Variants in ARB2A observed in about 807,000 individuals in gnomAD.
ARB2A encodes ARB2 cotranscriptional regulator A, also known as cotranscriptional regulator ARB2A.
the ARB2A span, among the ~76,000 whole-genome samples, chr5:93,848,425 C>G: frequency 7.3e-5 from 11 of 151,032 alleles, no homozygotes; most frequent in Non-Finnish European, 1.5e-4. Context: ...TTGACTGATA[C>G]GTCCAATAAA....
the ARB2A span, among the ~76,000 whole-genome samples, chr5:93,846,918 C>T: frequency 6.6e-6 from 1 of 152,118 alleles, no homozygotes; most frequent in Admixed American, 6.6e-5. Flanking sequence ...ACTCACCCTT[C>T]CATGAAAGAT....
chr5:93,665,206 T>C, the ARB2A span, among the ~76,000 whole-genome samples: 2 of 152,224 alleles, frequency 1.3e-5, no homozygotes, highest in Admixed American at 6.5e-5. Context: ...ACCTAGAGAA[T>C]TGACATGATG....
At chr5:93,877,802 T>C in the ARB2A span, among the ~76,000 whole-genome samples, 10 of 152,094 alleles carry the variant, frequency 6.6e-5, no homozygotes, top group African/African-American at 1.7e-4. Flanking sequence ...TGTAAGTGGA[T>C]AGAATTTTGG....
chr5:93,686,093 A>C, the ARB2A span, among the ~76,000 whole-genome samples: 2 of 152,142 alleles, frequency 1.3e-5, no homozygotes, highest in Non-Finnish European at 2.9e-5. Flanking sequence ...AAACACAAAT[A>C]TTTTTCCAGA....
chr5:94,092,837 T>A, the ARB2A span, among the ~76,000 whole-genome samples: 1 of 152,162 alleles, frequency 6.6e-6, no homozygotes, highest in African/African-American at 2.4e-5. Flanking sequence ...AATTGAAACA[T>A]CCTTTAACTC....
At chr5:94,077,199 C>A in the ARB2A span, among the ~76,000 whole-genome samples, 1 of 151,692 alleles carries the variant, frequency 6.6e-6, no homozygotes, top group Non-Finnish European at 1.5e-5. Flanking sequence ...ATGGTGAAAC[C>A]CCGTTTCTAC....
chr5:93,905,778 A>T, the ARB2A span, among the ~76,000 whole-genome samples: 4 of 151,566 alleles, frequency 2.6e-5, no homozygotes, highest in Admixed American at 6.6e-5. Flanking sequence ...TGTTTAAACA[A>T]ATTCAATTGC....
the ARB2A span, among the ~76,000 whole-genome samples, chr5:93,708,720 T>C: frequency 6.6e-6 from 1 of 152,000 alleles, no homozygotes; most frequent in Non-Finnish European, 1.5e-5. Context: ...GCCTCTGGGT[T>C]GGGGAACCTC....
At chr5:93,946,152 A>G in the ARB2A span, among the ~76,000 whole-genome samples, 18 of 152,168 alleles carry the variant, frequency 1.2e-4, 1 homozygote, top group Non-Finnish European at 1.6e-4. Context: ...ATATATCAAG[A>G]AAACACAGAT....
the ARB2A span, among the ~76,000 whole-genome samples, chr5:93,832,080 T>G: frequency 1.4e-4 from 22 of 152,226 alleles, no homozygotes; most frequent in African/African-American, 5.1e-4. Flanking sequence ...AAAAAAGATA[T>G]AGAAAAGGAA....
the ARB2A span, among the ~76,000 whole-genome samples, chr5:94,010,492 T>C: frequency 6.6e-6 from 1 of 152,130 alleles, no homozygotes; most frequent in Non-Finnish European, 1.5e-5. Context: ...CTTTTCTTTC[T>C]GAATCTTCAG....
the ARB2A span, among the ~76,000 whole-genome samples, chr5:93,640,887 C>T: frequency 6.6e-6 from 1 of 151,870 alleles, no homozygotes; most frequent in Non-Finnish European, 1.5e-5. Flanking sequence ...TATACTGGCT[C>T]TAAGCAACAT....
At chr5:93,637,029 C>T in the ARB2A span, among the ~76,000 whole-genome samples, 1 of 152,170 alleles carries the variant, frequency 6.6e-6, no homozygotes, top group Admixed American at 6.5e-5. Context: ...TTTCCATCAC[C>T]ACAAAGATTC....
At chr5:94,010,483 T>A in the ARB2A span, among the ~76,000 whole-genome samples, 1 of 152,108 alleles carries the variant, frequency 6.6e-6, no homozygotes, top group Non-Finnish European at 1.5e-5. Context: ...AGTGGAGAAC[T>A]TTTCTTTCTG....
the ARB2A span, among the ~76,000 whole-genome samples, chr5:94,106,185 G>A: frequency 6.6e-6 from 1 of 151,920 alleles, no homozygotes; most frequent in Non-Finnish European, 1.5e-5. Flanking sequence ...TATCAACACA[G>A]TAAACAGACA....
At chr5:93,724,351 C>T in the ARB2A span, among the ~76,000 whole-genome samples, 1 of 151,998 alleles carries the variant, frequency 6.6e-6, no homozygotes, top group Admixed American at 6.6e-5. Flanking sequence ...CTTAAATGAA[C>T]TCTTTGGGGG....
At chr5:93,917,796 T>C in the ARB2A span, among the ~76,000 whole-genome samples, 1 of 152,136 alleles carries the variant, frequency 6.6e-6, no homozygotes, top group East Asian at 1.9e-4. Context: ...GAGGATACCC[T>C]TCACCGAAAT....
At chr5:94,065,282 G>A in the ARB2A span, among the ~76,000 whole-genome samples, 2 of 152,172 alleles carry the variant, frequency 1.3e-5, no homozygotes, top group East Asian at 3.9e-4. Flanking sequence ...GGGGGGCTGA[G>A]GCAGGCAGAT....
the ARB2A span, among the ~76,000 whole-genome samples, chr5:93,900,529 G>A: frequency 8.6e-5 from 13 of 150,656 alleles, no homozygotes; most frequent in East Asian, 1.4e-3. Flanking sequence ...AAAGAGAATC[G>A]CTTGAACCCA....
Sources: allele counts gnomAD v4.1 joint callset (sites outside exome capture counted in the v4.1 genomes callset), GRCh38; gene constraint gnomAD v4.1.1; transcripts MANE v1.5; gene names NCBI Gene and HGNC (gene_info 2026-07-23, HGNC 2026-07-21).